The following EEFSEC variants were observed in gnomAD, a reference collection of about 807,000 sequenced individuals.
EEFSEC encodes the protein eukaryotic elongation factor, selenocysteine-tRNA specific.
EEFSEC carries 43 observed loss-of-function variants against 42.1 expected under a neutral mutation model. The observed-to-expected ratio is 1.02, with a 90% CI of 0.80 to 1.32. The LOEUF (loss-of-function observed/expected upper bound fraction) is 1.32, where lower values mean the gene tolerates loss of function less well. Among genes scored for constraint, EEFSEC ranks in the 40% most tolerant of loss-of-function variants. The pLI is 0.00. For synonymous variants in EEFSEC, 354 were observed against 339.1 expected, an observed-to-expected ratio of 1.04 and a Z score of -0.48; for missense variants, 745 against 803.6, an observed-to-expected ratio of 0.93 and a Z score of 0.88.
At chr3:128,156,790 C>A (rs1487463862) in intron 1 of EEFSEC, among the ~76,000 whole-genome samples, 1 of 152,184 alleles carries the variant, frequency 6.6e-6, no homozygotes, top group Non-Finnish European at 1.5e-5. Context: ...GGCTTTTTCC[C>A]TGTCTGTCTC....
intron 1 of EEFSEC, among the ~76,000 whole-genome samples, chr3:128,157,606 T>C (rs1168801418): frequency 6.6e-6 from 1 of 152,218 alleles, no homozygotes; most frequent in Non-Finnish European, 1.5e-5. Flanking sequence ...CAGCCTGTGC[T>C]CTTGAAATGG....
chr3:128,213,753 A>G (rs1343736875), intron 1 of EEFSEC, among the ~76,000 whole-genome samples: 3 of 152,094 alleles, frequency 2.0e-5, no homozygotes, highest in Non-Finnish European at 4.4e-5. Flanking sequence ...TCAAATAAGT[A>G]GTACATCAAA....
chr3:128,378,309 C>T (rs1446248953), intron 6 of EEFSEC, among the ~76,000 whole-genome samples: 1 of 152,184 alleles, frequency 6.6e-6, no homozygotes, highest in African/African-American at 2.4e-5. Context: ...TGTGGGCATT[C>T]CAACAGTCCT....
chr3:128,202,491 T>C (rs1400410191), intron 1 of EEFSEC, among the ~76,000 whole-genome samples: 1 of 152,222 alleles, frequency 6.6e-6, no homozygotes, highest in African/African-American at 2.4e-5. Flanking sequence ...TATATTCATC[T>C]TGTATCTTGC....
At chr3:128,420,717 G>A in the EEFSEC span, among the ~76,000 whole-genome samples, 22 of 152,338 alleles carry the variant, frequency 1.4e-4, no homozygotes, top group African/African-American at 5.3e-4. Flanking sequence ...TACCGGAGGG[G>A]AGAAGTGGGG....
rs1202448806 is a variant in EEFSEC at position 128,341,511 on chromosome 3, A to G, written c.1065A>G (p.Pro355=). 1.2e-6 allele frequency: 2 copies of G among 1,614,160 alleles called. No individual in the cohort carries two copies. Among genetic ancestry groups the G allele is most frequent in the Middle Eastern group, 1.6e-4 (1 of 6,062 alleles). ...GGTTGATGTTCTTCAGTCCTGCTCCAGATAACTTTGACCAGGAGCCTATAC... is the reference window on the plus strand; with the variant it reads ...GGTTGATGTTCTTCAGTCCTGCTCCGGATAACTTTGACCAGGAGCCTATAC... ...MGRLMFFSPA[P]DNFDQEPILD... Residue 355 remains proline, a synonymous_variant, in exon 5 of 7, where the codon CCA becomes CCG. Transcript: ENST00000254730.
At chr3:128,157,901 C>T (rs191234660) in intron 1 of EEFSEC, among the ~76,000 whole-genome samples, 12 of 152,212 alleles carry the variant, frequency 7.9e-5, no homozygotes, top group Admixed American at 1.3e-4. Flanking sequence ...GCCATAGCTG[C>T]CCAAGATAAT....
At position 128,153,744 on chromosome 3, in the gene EEFSEC, C is replaced by T. The variant is rs753531612; in HGVS notation, c.237C>T (p.Pro79=). ...PEFQAAPEAE[P]EPGEPLLQVT... is the part of the protein sequence containing the mutation. Reference sequence around the variant, plus strand: ...TCCAGGCAGCGCCCGAGGCCGAGCCCGAGCCCGGCGAGCCACTGCTTCAGG... The same window carrying T: ...TCCAGGCAGCGCCCGAGGCCGAGCCTGAGCCCGGCGAGCCACTGCTTCAGG... The change falls in exon 1 of 7, where the codon CCC becomes CCT. Residue 79 remains proline, a synonymous_variant. Transcript: ENST00000254730. 3.9e-6 allele frequency: 6 copies of T among 1,534,270 alleles called. No individual in the cohort carries two copies. The African/African-American group carries it at 4.2e-5, about 11-fold the overall frequency.
At chr3:128,371,497 C>T (rs1381837196) in intron 6 of EEFSEC, among the ~76,000 whole-genome samples, 1 of 152,172 alleles carries the variant, frequency 6.6e-6, no homozygotes, top group Non-Finnish European at 1.5e-5. Flanking sequence ...ACCAAAATAT[C>T]CCCCAGTTGA....
chr3:128,161,221 A>G (rs1576507049), intron 1 of EEFSEC, among the ~76,000 whole-genome samples: 1 of 152,166 alleles, frequency 6.6e-6, no homozygotes, highest in Non-Finnish European at 1.5e-5. Flanking sequence ...TAGAGTATAA[A>G]TCTTTCAGGG....
intron 4 of EEFSEC, among the ~76,000 whole-genome samples, chr3:128,267,514 C>A (rs1332170620): frequency 6.6e-6 from 1 of 152,142 alleles, no homozygotes; most frequent in African/African-American, 2.4e-5. Context: ...GATTTCTAAG[C>A]AAACTGTGAA....
chr3:128,316,504 A>G (rs9681764), intron 4 of EEFSEC, among the ~76,000 whole-genome samples: 6,856 of 152,224 alleles, frequency 0.045, 512 homozygotes, highest in African/African-American at 0.15. Flanking sequence ...TCCCCTTATG[A>G]TCGACAGGCA....
the EEFSEC span, among the ~76,000 whole-genome samples, chr3:128,421,207 G>A: frequency 6.6e-6 from 1 of 152,210 alleles, no homozygotes; most frequent in East Asian, 1.9e-4. Context: ...GGCAGGGCAG[G>A]GTTACCAGTC....
At chr3:128,425,999 A>G in the EEFSEC span, among the ~76,000 whole-genome samples, 1 of 152,108 alleles carries the variant, frequency 6.6e-6, no homozygotes. Context: ...GACTTTTTGG[A>G]TGAATGCTGA....
At chr3:128,397,400 T>C (rs41524647) in intron 6 of EEFSEC, among the ~76,000 whole-genome samples, 2,231 of 152,318 alleles carry the variant, frequency 0.015, 50 homozygotes, top group African/African-American at 0.05. Flanking sequence ...GTAAAGTGAC[T>C]TGTAGGATGT....
chr3:128,347,258 T>TGAA (rs955166583), intron 5 of EEFSEC, among the ~76,000 whole-genome samples: 6 of 148,652 alleles, frequency 4.0e-5, no homozygotes, highest in African/African-American at 1.2e-4. Context: ...AAAGGGTTAA[T>TGAA]GAAGAAAAAA....
intron 1 of EEFSEC, among the ~76,000 whole-genome samples, chr3:128,234,298 C>T (rs2107872115): frequency 6.6e-6 from 1 of 152,230 alleles, no homozygotes; most frequent in Non-Finnish European, 1.5e-5. Flanking sequence ...AGTGACCCTC[C>T]CACCTCGGCC....
In EEFSEC at chr3:128,264,792, C is replaced by T; in HGVS notation, c.786+11C>T. 1.9e-6 allele frequency: 3 copies of T among 1,610,954 alleles called. No homozygotes were observed. Among genetic ancestry groups the T allele is most frequent in the Non-Finnish European group, 1.7e-6 (2 of 1,177,800 alleles). On this transcript the variant is annotated intron_variant, in intron 4 of 6. Coordinates refer to ENST00000254730, the MANE Select transcript of EEFSEC (RefSeq NM_021937.5). ...ATCCCTGCCCTCAAGGTCAGTCTTA[C>T]CTTGTCTTCCCTTCTGGCCTCCTCG...
At chr3:128,211,456 A>G (rs2065755215) in intron 1 of EEFSEC, among the ~76,000 whole-genome samples, 1 of 152,128 alleles carries the variant, frequency 6.6e-6, no homozygotes, top group African/African-American at 2.4e-5. Context: ...ATCTAGAGAT[A>G]ACATACTGTT....
Sources: gnomAD v4.1 joint callset for allele counts (sites outside exome capture counted in the v4.1 genomes callset) on GRCh38, gnomAD v4.1.1 for gene constraint, MANE v1.5 for transcripts, NCBI Gene and HGNC (gene_info 2026-07-23, HGNC 2026-07-21) for gene names.